SLX4IP: variants seen among roughly 807,000 people sequenced by gnomAD.
The protein encoded by SLX4IP is protein SLX4IP.
In SLX4IP, 34 loss-of-function variants were observed where a neutral mutation model predicts 32.9. That is an observed-to-expected ratio of 1.03 (90% CI 0.79 to 1.38). The LOEUF is 1.38. Ranked by LOEUF, SLX4IP falls within the 40% of genes most tolerant of loss-of-function variation. SLX4IP has a pLI of 0.00. For missense variants in SLX4IP, 444 were observed against 479.0 expected (o/e 0.93, Z 0.68); for synonymous variants, 172 against 171.7 (o/e 1.00, Z -0.01).
chr20:10,587,437 A>G (rs761006236), intron 4 of SLX4IP, among the ~76,000 whole-genome samples: 9 of 152,204 alleles, frequency 5.9e-5, no homozygotes, highest in Non-Finnish European at 1.2e-4. Flanking sequence ...TACCAGCAGC[A>G]GTATTCAACA....
intron 4 of SLX4IP, among the ~76,000 whole-genome samples, chr20:10,594,338 G>A (rs2066745415): frequency 6.6e-6 from 1 of 152,192 alleles, no homozygotes; most frequent in Non-Finnish European, 1.5e-5. Flanking sequence ...CCACACAGGT[G>A]GTGGGTGGGG....
chr20:10,502,409 T>G (rs2065726747), intron 2 of SLX4IP, among the ~76,000 whole-genome samples: 2 of 152,192 alleles, frequency 1.3e-5, no homozygotes, highest in Non-Finnish European at 2.9e-5. Context: ...CAGGCCATCT[T>G]ATGTAGAGGC....
chr20:10,486,345 C>G (rs962771182), intron 2 of SLX4IP, among the ~76,000 whole-genome samples: 2 of 151,732 alleles, frequency 1.3e-5, no homozygotes, highest in African/African-American at 4.8e-5. Flanking sequence ...TTACCATGCA[C>G]AGAGTGGTTA....
intron 2 of SLX4IP, among the ~76,000 whole-genome samples, chr20:10,458,760 C>T (rs1446411603): frequency 6.6e-6 from 1 of 152,090 alleles, no homozygotes; most frequent in Non-Finnish European, 1.5e-5. Flanking sequence ...TCCGTTTTTT[C>T]ACTGATGGGC....
intron 2 of SLX4IP, among the ~76,000 whole-genome samples, chr20:10,474,159 A>G (rs1803283186): frequency 1.3e-5 from 2 of 152,058 alleles, no homozygotes; most frequent in Non-Finnish European, 2.9e-5. Flanking sequence ...GAGGTGATCC[A>G]TCCTCCTTGG....
At chr20:10,510,615 T>C (rs889135989) in intron 2 of SLX4IP, among the ~76,000 whole-genome samples, 1 of 149,904 alleles carries the variant, frequency 6.7e-6, no homozygotes, top group Non-Finnish European at 1.5e-5. Flanking sequence ...TATTATTTTT[T>C]TTTTTTTTGA....
Position 10,467,385 on chromosome 20 carries a change from CT to C in SLX4IP, c.27+9157del, listed in dbSNP as rs112123581. ...TGGTTATATTCCTTACTGGAAATAACTTTGGAGTGTGCAACCTTTGTCCCGA... is the reference window on the plus strand; with the variant it reads ...TGGTTATATTCCTTACTGGAAATAACTTGGAGTGTGCAACCTTTGTCCCGA... On this transcript the variant is annotated intron_variant, in intron 2 of 7. Coordinates refer to ENST00000334534, the MANE Select transcript of SLX4IP (RefSeq NM_001009608.3). Among the ~76,000 whole-genome samples the C allele has an allele frequency of 4.8e-3, 725 of 152,270 alleles. 16 individuals carry two copies. In the South Asian group the frequency reaches 0.069, roughly 14 times the overall value.
rs551497627 is a variant in SLX4IP at position 10,493,560 on chromosome 20, T to G, written c.27+35329T>G. Among the ~76,000 whole-genome samples the G allele has an allele frequency of 4.6e-5, 7 of 152,294 alleles. No homozygotes were observed. In the South Asian group the frequency reaches 1.5e-3, roughly 32 times the overall value. On this transcript the variant is annotated intron_variant, in intron 2 of 7. Transcript: ENST00000334534. Reference sequence around the variant, plus strand: ...TTTTGTCTCTTTCATTAAGTTCTTTTTTTTCAGCCCTTTTAAATGCATGAA... The same window carrying G: ...TTTTGTCTCTTTCATTAAGTTCTTTGTTTTCAGCCCTTTTAAATGCATGAA...
intron 4 of SLX4IP, among the ~76,000 whole-genome samples, chr20:10,592,222 T>C (rs1265063095): frequency 6.6e-6 from 1 of 152,156 alleles, no homozygotes; most frequent in Non-Finnish European, 1.5e-5. Context: ...TAGGATCAAA[T>C]ATTCCACTTA....
chr20:10,622,924 C>T lies in SLX4IP; in HGVS notation c.772C>T (p.His258Tyr). ...PEDTSGQQKP[H>Y]PGERLKTGLL... ...AGACACTAGTGGCCAGCAAAAACCT[C>T]ATCCTGGGGAGCGGTTAAAGACAGG... Residue 258 changes from histidine (H) to tyrosine (Y), a missense_variant, in exon 8 of 8, where the codon CAT becomes TAT. His to Tyr is a moderately conservative substitution (Grantham distance 83, BLOSUM62 2). Transcript: ENST00000334534. 6.2e-7 allele frequency: 1 copy of T among 1,614,128 alleles called. No homozygotes were observed. Among genetic ancestry groups the T allele is most frequent in the Non-Finnish European group, 8.5e-7 (1 of 1,180,030 alleles).
At chr20:10,575,690 A>G (rs2066516149) in intron 4 of SLX4IP, among the ~76,000 whole-genome samples, 2 of 152,092 alleles carry the variant, frequency 1.3e-5, no homozygotes, top group Admixed American at 1.3e-4. Context: ...ACACCTTAGC[A>G]ATGAAAAGCC....
chr20:10,515,298 T>C (rs2065840636), intron 2 of SLX4IP, among the ~76,000 whole-genome samples: 1 of 152,042 alleles, frequency 6.6e-6, no homozygotes, highest in African/African-American at 2.4e-5. Flanking sequence ...TTGGCCAGGC[T>C]GTTCTCGAAC....
chr20:10,621,403 T>C lies in SLX4IP; in HGVS notation c.495T>C (p.Ala165=). 1 of 1,614,138 alleles carries C rather than the reference T, an allele frequency of 6.2e-7. No homozygotes were observed. The highest frequency in any genetic ancestry group is 8.5e-7 in the Non-Finnish European group (1 of 1,179,982). ...CCAGTGCAAAGCTCCGGAGAAATGC[T>C]CTGAAAGAAATGTAGGTGCAATGTG... The part of the protein sequence containing the change: ...LPPSAKLRRN[A]LKEIVKRTET... The change falls in exon 7 of 8, where the codon GCT becomes GCC. Residue 165 remains alanine (A), a synonymous_variant. Transcript: ENST00000334534.
At chr20:10,446,528 A>G (rs1462963859) in intron 1 of SLX4IP, among the ~76,000 whole-genome samples, 1 of 151,964 alleles carries the variant, frequency 6.6e-6, no homozygotes, top group Non-Finnish European at 1.5e-5. Context: ...GGTTGTTTAG[A>G]TTGATAAGAA....
intron 3 of SLX4IP, among the ~76,000 whole-genome samples, 160 bp downstream of exon 3, chr20:10,556,480 CT>C (rs1175544907): frequency 1.3e-5 from 2 of 151,762 alleles, no homozygotes; most frequent in South Asian, 2.1e-4. Flanking sequence ...TATGCACCCA[CT>C]TTTTTTTTCC....
intron 4 of SLX4IP, among the ~76,000 whole-genome samples, chr20:10,586,843 A>T (rs752962389): frequency 6.6e-6 from 1 of 152,130 alleles, no homozygotes; most frequent in Non-Finnish European, 1.5e-5. Flanking sequence ...TAAATTGTTA[A>T]TGTGAGCTAA....
In SLX4IP at chr20:10,623,673, C is replaced by A; in HGVS notation, c.*294C>A. On this transcript the variant is annotated 3_prime_UTR_variant, in exon 8 of 8. Transcript: ENST00000334534. ...TGTCAGGGAGGAGACTGTGCAAGGA[C>A]TGCATGAAGAAACTGATCATGAGCC... is the stretch of plus-strand genomic sequence containing the variant. 1 of 401,566 alleles carries A rather than the reference C, an allele frequency of 2.5e-6. No homozygotes were observed. 24.9% of individuals were successfully genotyped at this position (401,566 alleles called of 1,614,324 possible).
At position 10,614,125 on chromosome 20, in the gene SLX4IP, G is replaced by A. The variant is rs547930222; in HGVS notation, c.406-7189G>A. Reference sequence around the variant, plus strand: ...AGGGACACCTTGTGGTAGCCTCGTCGGACCTCGCCATCGGAGGCCTCGCGT... The same window carrying A: ...AGGGACACCTTGTGGTAGCCTCGTCAGACCTCGCCATCGGAGGCCTCGCGT... On this transcript the variant is annotated intron_variant, in intron 6 of 7. Coordinates refer to ENST00000334534, the MANE Select transcript of SLX4IP (RefSeq NM_001009608.3). 966 of 1,451,558 alleles carry A rather than the reference G, an allele frequency of 6.7e-4. 7 individuals are homozygous for A. The highest frequency in any genetic ancestry group is 3.7e-3 in the South Asian group (303 of 82,000). 89.9% of individuals were successfully genotyped at this position (1,451,558 alleles called of 1,614,324 possible).
chr20:10,482,094 G>C (rs1270560069), intron 2 of SLX4IP, among the ~76,000 whole-genome samples: 1 of 152,230 alleles, frequency 6.6e-6, no homozygotes, highest in East Asian at 1.9e-4. Context: ...GATTATATAA[G>C]GGTGTGAAAA....
Sources: allele counts gnomAD v4.1 joint callset (sites outside exome capture counted in the v4.1 genomes callset), GRCh38; gene constraint gnomAD v4.1.1; transcripts MANE v1.5; gene names NCBI Gene and HGNC (gene_info 2026-07-23, HGNC 2026-07-21).